Variants in CNTN6 observed in about 807,000 individuals in gnomAD.
CNTN6 encodes contactin-6.
In CNTN6, 137 loss-of-function variants were observed where a neutral mutation model predicts 122.8. The observed-to-expected ratio is 1.12, with a 90% confidence interval of 0.97 to 1.29. CNTN6 has a LOEUF of 1.29. CNTN6 is among the 50% of genes most tolerant of loss of function. The pLI, the probability that CNTN6 is intolerant of heterozygous loss-of-function variation, is 0.00. For missense variants in CNTN6, 1,634 were observed against 1,223.4 expected, an observed-to-expected ratio of 1.34 and a Z score of -5.01; for synonymous variants, 570 against 426.0, an observed-to-expected ratio of 1.34 and a Z score of -4.16.
In CNTN6 at chr3:1,203,031, G is replaced by A. The variant is rs2093907842; in HGVS notation, c.56-17656G>A. 5.3e-5 allele frequency among the ~76,000 whole-genome samples: 8 copies of A among 152,288 alleles called. No individual in the cohort carries two copies. The South Asian group carries it at 1.7e-3, about 32-fold the overall frequency. On this transcript the variant is annotated intron_variant, in intron 2 of 22. Coordinates refer to ENST00000446702, the MANE Select transcript of CNTN6 (RefSeq NM_001289080.2). ...GATCATCCACTCTCAACATGATAAG[G>A]AGCATTTCTTGATAAGAAAGTTGAC...
Position 1,329,838 on chromosome 3 carries a change from G to C in CNTN6, c.1267G>C (p.Val423Leu), listed in dbSNP as rs200038869. The C allele has an allele frequency of 5.2e-5, 83 of 1,610,680 alleles. No homozygotes were observed. The highest frequency in any genetic ancestry group is 5.0e-4 in the Middle Eastern group (3 of 6,036). ...SPVKKKSFVQ[V>L]GGDIVIGCKP... Reference sequence around the variant, plus strand: ...AGTTAAAAAAAAGTCTTTTGTTCAAGTTGGTGGGGATATTGTTATCGGATG... The same window carrying C: ...AGTTAAAAAAAAGTCTTTTGTTCAACTTGGTGGGGATATTGTTATCGGATG... Residue 423 changes from valine (V) to leucine (L), a missense_variant, in exon 11 of 23, where the codon GTT becomes CTT. By Grantham distance (32) the Val-to-Leu change is conservative. Coordinates refer to ENST00000446702, the MANE Select transcript of CNTN6 (RefSeq NM_001289080.2).
chr3:1,245,450 C>T (rs2094569842), intron 4 of CNTN6, among the ~76,000 whole-genome samples: 1 of 146,450 alleles, frequency 6.8e-6, no homozygotes, highest in Non-Finnish European at 1.5e-5. Flanking sequence ...GAAAATCAAA[C>T]ATCATACGTT....
chr3:1,147,615 G>A (rs905846580), intron 1 of CNTN6, among the ~76,000 whole-genome samples: 5 of 151,954 alleles, frequency 3.3e-5, no homozygotes, highest in East Asian at 1.9e-4. Flanking sequence ...AGCAAGTCTC[G>A]TACCTGAAAG....
chr3:1,392,435 C>T (rs1213272577), intron 20 of CNTN6, among the ~76,000 whole-genome samples: 1 of 152,118 alleles, frequency 6.6e-6, no homozygotes, highest in Non-Finnish European at 1.5e-5. Context: ...AAATGTTAGA[C>T]CTAAAACCAT....
At chr3:1,203,185 A>G (rs2093909485) in intron 2 of CNTN6, among the ~76,000 whole-genome samples, 1 of 152,242 alleles carries the variant, frequency 6.6e-6, no homozygotes. Flanking sequence ...AAGCAAAGTG[A>G]GAACAACAGT....
intron 2 of CNTN6, among the ~76,000 whole-genome samples, chr3:1,213,998 T>C (rs931588477): frequency 6.6e-6 from 1 of 152,068 alleles, no homozygotes; most frequent in Non-Finnish European, 1.5e-5. Flanking sequence ...GCTAATTATA[T>C]TCCCTCATTC....
chr3:1,283,241 C>T (rs1426649846), intron 5 of CNTN6, among the ~76,000 whole-genome samples: 1 of 152,152 alleles, frequency 6.6e-6, no homozygotes, highest in Non-Finnish European at 1.5e-5. Context: ...CGGTGTGAGC[C>T]ACTGCTCCCA....
At chr3:1,279,858 A>G (rs576806622) in intron 5 of CNTN6, among the ~76,000 whole-genome samples, 44 of 152,344 alleles carry the variant, frequency 2.9e-4, no homozygotes, top group Non-Finnish European at 7.3e-5. Flanking sequence ...AAAGTTAACA[A>G]TATCTTATTC....
intron 10 of CNTN6, among the ~76,000 whole-genome samples, chr3:1,329,360 C>A (rs938419662): frequency 6.6e-6 from 1 of 151,604 alleles, no homozygotes; most frequent in Non-Finnish European, 1.5e-5. Context: ...TCTTCGGCCT[C>A]TTTTGAAACC....
intron 2 of CNTN6, among the ~76,000 whole-genome samples, chr3:1,185,773 C>T (rs2093620742): frequency 6.6e-6 from 1 of 152,114 alleles, no homozygotes; most frequent in Admixed American, 6.6e-5. Context: ...ATCCCTGTAC[C>T]TCACTTTTCC....
intron 11 of CNTN6, among the ~76,000 whole-genome samples, 189 bp downstream of exon 11, chr3:1,330,124 C>T (rs1201363039): frequency 2.0e-5 from 3 of 151,780 alleles, no homozygotes; most frequent in African/African-American, 7.3e-5. Flanking sequence ...AAATAAAGAC[C>T]TGTTTGTATA....
intron 1 of CNTN6, among the ~76,000 whole-genome samples, chr3:1,119,632 G>A: frequency 6.6e-6 from 1 of 151,154 alleles, no homozygotes; most frequent in East Asian, 1.9e-4. Context: ...TACTAGATAA[G>A]CATGGCTTTT....
At chr3:1,194,415 T>C (rs1236586674) in intron 2 of CNTN6, among the ~76,000 whole-genome samples, 1 of 152,106 alleles carries the variant, frequency 6.6e-6, no homozygotes, top group Non-Finnish European at 1.5e-5. Context: ...CAGATCTTTA[T>C]GGAGAAAAAC....
At chr3:1,242,727 G>C (rs2094503020) in intron 4 of CNTN6, among the ~76,000 whole-genome samples, 1 of 152,104 alleles carries the variant, frequency 6.6e-6, no homozygotes, top group Non-Finnish European at 1.5e-5. Context: ...AGACACAGCT[G>C]TAATCCAGGA....
chr3:1,205,699 C>A (rs2093948401), intron 2 of CNTN6, among the ~76,000 whole-genome samples: 1 of 152,164 alleles, frequency 6.6e-6, no homozygotes, highest in African/African-American at 2.4e-5. Flanking sequence ...GAAAGATTTT[C>A]TTTAACTCAC....
chr3:1,389,568 T>G lies in CNTN6; in HGVS notation c.2704+3771T>G, dbSNP rs971020445. Among the ~76,000 whole-genome samples, 9 of 152,198 alleles carry G rather than the reference T, an allele frequency of 5.9e-5. No individual in the cohort carries two copies. In the Middle Eastern group the frequency reaches 0.01, roughly 173 times the overall value. On this transcript the variant is annotated intron_variant, in intron 20 of 22. Coordinates refer to ENST00000446702, the MANE Select transcript of CNTN6 (RefSeq NM_001289080.2). ...GGATCAAATTCACACATAACAATATTAACTTTAAATGTAAATGGACTAAAT... is the reference window on the plus strand; with the variant it reads ...GGATCAAATTCACACATAACAATATGAACTTTAAATGTAAATGGACTAAAT...
intron 2 of CNTN6, among the ~76,000 whole-genome samples, chr3:1,155,724 A>G (rs1408580218): frequency 6.6e-6 from 1 of 152,140 alleles, no homozygotes; most frequent in Non-Finnish European, 1.5e-5. Context: ...GCTGTATTTT[A>G]TCTCAAGATG....
chr3:1,400,698 A>G (rs1334225723), intron 20 of CNTN6, among the ~76,000 whole-genome samples: 1 of 152,108 alleles, frequency 6.6e-6, no homozygotes, highest in Admixed American at 6.6e-5. Flanking sequence ...CAGCTTTCTC[A>G]GGGGAACTCA....
intron 4 of CNTN6, among the ~76,000 whole-genome samples, chr3:1,273,808 T>C (rs1691819064): frequency 6.6e-6 from 1 of 152,210 alleles, no homozygotes; most frequent in African/African-American, 2.4e-5. Flanking sequence ...AGAGAAATTA[T>C]GTCACAAGCG....
Sources: allele counts gnomAD v4.1 joint callset (sites outside exome capture counted in the v4.1 genomes callset), GRCh38; gene constraint gnomAD v4.1.1; transcripts MANE v1.5; gene names NCBI Gene and HGNC (gene_info 2026-07-23, HGNC 2026-07-21).